Variants in ECE1 observed in about 807,000 individuals in gnomAD.
ECE1 encodes endothelin converting enzyme 1.
In ECE1, 35 loss-of-function variants were observed where a neutral mutation model predicts 98.6. That is an observed-to-expected ratio of 0.35 (90% CI 0.27 to 0.47). ECE1 has a LOEUF of 0.47. Ranked by LOEUF, ECE1 falls within the 20% of genes least tolerant of loss-of-function variation. ECE1 has a pLI of 1.00. For synonymous variants in ECE1, 394 were observed against 407.1 expected (o/e 0.97, Z 0.39); for missense variants, 814 against 1,025.3 (o/e 0.79, Z 2.81).
chr1:21,315,358 T>C (rs1434393998), intron 1 of ECE1, among the ~76,000 whole-genome samples: 1 of 152,186 alleles, frequency 6.6e-6, no homozygotes, highest in African/African-American at 2.4e-5. Flanking sequence ...TGGATCAACC[T>C]CAGAGATGAG....
At chr1:21,238,911 C>T (rs1452105998) in intron 10 of ECE1, among the ~76,000 whole-genome samples, 1 of 152,074 alleles carries the variant, frequency 6.6e-6, no homozygotes, top group Non-Finnish European at 1.5e-5. Flanking sequence ...ACCTCCCAGG[C>T]TCAAGTGATC....
Position 21,233,994 on chromosome 1 carries a change from C to T in ECE1, c.1567-333G>A. Among the ~76,000 whole-genome samples, 1 of 149,492 alleles carries T rather than the reference C, an allele frequency of 6.7e-6. No individual in the cohort carries two copies. The highest frequency in any genetic ancestry group is 2.0e-4 in the East Asian group (1 of 5,108). On this transcript the variant is annotated intron_variant, in intron 13 of 18. Coordinates refer to ENST00000374893, the MANE Select transcript of ECE1 (RefSeq NM_001397.3). The surrounding 1 kb of genome is among the most constrained non-coding windows in gnomAD (Gnocchi z 4.0). ...CAGACTACTAAGCATTTCTTTCTTT[C>T]TTTTTTTTTTGAGACGGGAATCTTG...
chr1:21,342,312 T>A (rs543693564), intron 1 of ECE1, among the ~76,000 whole-genome samples: 1 of 152,200 alleles, frequency 6.6e-6, no homozygotes, highest in African/African-American at 2.4e-5. Flanking sequence ...GGTTTGTGCC[T>A]GTTCTGGTAC....
intron 8 of ECE1, among the ~76,000 whole-genome samples, chr1:21,250,534 G>C (rs1311664150): frequency 6.6e-6 from 1 of 152,142 alleles, no homozygotes; most frequent in Non-Finnish European, 1.5e-5. Flanking sequence ...ATTCTCTTTT[G>C]TTTTCTTGAA....
chr1:21,252,550 C>T (rs1215039590), intron 8 of ECE1, among the ~76,000 whole-genome samples: 1 of 152,226 alleles, frequency 6.6e-6, no homozygotes, highest in Non-Finnish European at 1.5e-5. Flanking sequence ...CAGGCCCAAA[C>T]AGCCTTTGGC....
At position 21,219,394 on chromosome 1, in the gene ECE1, T is replaced by TA. The variant is rs1170441319; in HGVS notation, c.*560_*561insT. ...CAGGGGCTGAGGCAGCTGTCTGATT[T>TA]GGAGACTTGCTCTGTGGCCCAGGGA... On this transcript the variant is annotated 3_prime_UTR_variant, in exon 19 of 19. Transcript: ENST00000374893. The surrounding 1 kb of genome is among the most constrained non-coding windows in gnomAD (Gnocchi z 4.5). 1 of 158,886 alleles carries TA rather than the reference T, an allele frequency of 6.3e-6. No homozygotes were observed. Among genetic ancestry groups the TA allele is most frequent in the Non-Finnish European group, 1.4e-5 (1 of 71,712 alleles). The allele number at this position is 158,886 out of a possible 1,614,324, so 9.8% of individuals were successfully genotyped here. A position where few individuals can be genotyped will look rare whatever the true frequency, so the allele number is the denominator to read the frequency against.
intron 14 of ECE1, among the ~76,000 whole-genome samples, chr1:21,229,076 C>T (rs1478594970): frequency 2.0e-5 from 3 of 151,870 alleles, no homozygotes; most frequent in Non-Finnish European, 2.9e-5. Context: ...CTCCTGACCT[C>T]GTGATCCGCC....
In ECE1 at chr1:21,225,695, CTTTTT is replaced by C. The variant is rs11293119; in HGVS notation, c.1850-260_1850-256del. Among the ~76,000 whole-genome samples the C allele has an allele frequency of 7.3e-6, 1 of 137,302 alleles. No homozygotes were observed. 90.1% of individuals were successfully genotyped at this position (137,302 alleles called of 152,430 possible). On this transcript the variant is annotated intron_variant, in intron 16 of 18. Coordinates refer to ENST00000374893, the MANE Select transcript of ECE1 (RefSeq NM_001397.3). This position sits in a 1 kb window ranked among gnomAD's most constrained non-coding sequence, Gnocchi z 5.3. ...CAGTGGGGCTTGCTTTGTTTTCTTT[CTTTTT>C]TTTTTTTTTTTGAGACAGTCTCACT...
chr1:21,314,122 A>G (rs1453142395), intron 1 of ECE1, among the ~76,000 whole-genome samples: 1 of 152,218 alleles, frequency 6.6e-6, no homozygotes, highest in East Asian at 1.9e-4. Context: ...CAGCAACCCC[A>G]CGTGAAAGAT....
chr1:21,258,493 T>C lies in ECE1; in HGVS notation c.762+200A>G, dbSNP rs1573977866. On this transcript the variant is annotated intron_variant, in intron 6 of 18. Coordinates refer to ENST00000374893, the MANE Select transcript of ECE1 (RefSeq NM_001397.3). This position sits in a 1 kb window ranked among gnomAD's most constrained non-coding sequence, Gnocchi z 4.2. The stretch of plus-strand genomic sequence containing the variant: ...CCATCAGCACCCAAAGTTTCACCTG[T>C]ATGCAGTGCCCATCTACGCAAGGCC... Among the ~76,000 whole-genome samples the C allele has an allele frequency of 2.0e-5, 3 of 152,332 alleles. No homozygotes were observed. Among genetic ancestry groups the C allele is most frequent in the Middle Eastern group, 3.4e-3 (1 of 294 alleles).
chr1:21,314,024 T>C (rs888828375), intron 1 of ECE1, among the ~76,000 whole-genome samples: 1 of 152,276 alleles, frequency 6.6e-6, no homozygotes, highest in East Asian at 1.9e-4. Context: ...ACCAACGACA[T>C]GGCACCAGCA....
chr1:21,284,200 T>C (rs2098258161), intron 2 of ECE1, among the ~76,000 whole-genome samples: 1 of 152,154 alleles, frequency 6.6e-6, no homozygotes, highest in Admixed American at 6.5e-5. Context: ...GGTCACAGCA[T>C]GGGGAGATGT....
At chr1:21,300,726 G>A (rs78799902) in intron 1 of ECE1, among the ~76,000 whole-genome samples, 69 of 152,126 alleles carry the variant, frequency 4.5e-4, no homozygotes, top group African/African-American at 1.4e-3. Context: ...GTGAGCCACC[G>A]TGCCCAGCCC....
upstream of ECE1, among the ~76,000 whole-genome samples, chr1:21,290,849 A>T (rs28367913): frequency 0.031 from 4,714 of 152,296 alleles, 238 homozygotes; most frequent in African/African-American, 0.11. This position sits in a 1 kb window ranked among gnomAD's most constrained non-coding sequence, Gnocchi z 7.3. Flanking sequence ...AGGTGGGGTA[A>T]AAAGGTAGGT....
chr1:21,343,749 G>T (rs1015953222), intron 1 of ECE1, among the ~76,000 whole-genome samples: 1 of 152,204 alleles, frequency 6.6e-6, no homozygotes, highest in Non-Finnish European at 1.5e-5. Context: ...CAATAGGCTG[G>T]TGGGCTTCTT....
At chr1:21,337,912 T>G (rs1255417887) in intron 1 of ECE1, among the ~76,000 whole-genome samples, 1 of 152,190 alleles carries the variant, frequency 6.6e-6, no homozygotes, top group Non-Finnish European at 1.5e-5. Context: ...CCACACTGCC[T>G]GCTCAGATGT....
At position 21,221,836 on chromosome 1, in the gene ECE1, G is replaced by C. The variant is rs1242801015; in HGVS notation, c.2047C>G (p.Gln683Glu). 1 of 1,614,126 alleles carries C rather than the reference G, an allele frequency of 6.2e-7. No homozygotes were observed. The highest frequency in any genetic ancestry group is 1.7e-5 in the Admixed American group (1 of 60,016). Reference sequence around the variant, plus strand: ...GCCCCGTTCTTCTTCACCCAGTTCTGGTAAGCCTGGGAGGAGAGAAAACCA... The same window carrying C: ...GCCCCGTTCTTCTTCACCCAGTTCTCGTAAGCCTGGGAGGAGAGAAAACCA... ...GGLKAAYRAY[Q>E]NWVKKNGAEH... is the part of the protein sequence containing the mutation. Residue 683 changes from glutamine (Q) to glutamate (E), a missense_variant, in exon 18 of 19, where the codon CAG becomes GAG. By Grantham distance (29) the Gln-to-Glu change is conservative. Coordinates refer to ENST00000374893, the MANE Select transcript of ECE1 (RefSeq NM_001397.3).
intron 1 of ECE1, among the ~76,000 whole-genome samples, chr1:21,321,452 G>A (rs1234944573): frequency 9.9e-5 from 15 of 152,198 alleles, no homozygotes; most frequent in Admixed American, 9.2e-4. Context: ...TGGGGACCTA[G>A]GCCTGACCAC....
At chr1:21,285,501 T>C (rs971942301) in intron 2 of ECE1, among the ~76,000 whole-genome samples, 4 of 152,084 alleles carry the variant, frequency 2.6e-5, no homozygotes, top group Non-Finnish European at 5.9e-5. Flanking sequence ...TTTAAAGTAT[T>C]GAGCGGGCTT....
Sources: allele counts gnomAD v4.1 joint callset (sites outside exome capture counted in the v4.1 genomes callset), GRCh38; gene constraint gnomAD v4.1.1; non-coding constraint Gnocchi (gnomAD v3.1); transcripts MANE v1.5; gene names NCBI Gene and HGNC (gene_info 2026-07-23, HGNC 2026-07-21).